MAGI1: variants seen among roughly 807,000 people sequenced by gnomAD.
MAGI1 encodes membrane associated guanylate kinase, WW and PDZ domain containing 1, also known as membrane-associated guanylate kinase, WW and PDZ domain-containing protein 1.
A neutral mutation model predicts 139.9 loss-of-function variants in MAGI1; 58 were observed. The ratio of observed to expected loss-of-function variants is 0.41; its 90% CI spans 0.34 to 0.52. The LOEUF (loss-of-function observed/expected upper bound fraction) is 0.52. Ranked by LOEUF, MAGI1 falls within the 20% of genes least tolerant of loss-of-function variation. MAGI1 has a pLI of 0.12. For synonymous variants in MAGI1, 812 were observed against 737.9 expected, an observed-to-expected ratio of 1.10 and a Z score of -1.63; for missense variants, 1,874 against 1,901.6, an observed-to-expected ratio of 0.99 and a Z score of 0.27.
chr3:65,478,503 A>G, intron 4 of MAGI1, 89 bp downstream of exon 4: 1 of 1,298,734 alleles, frequency 7.7e-7, no homozygotes, highest in Non-Finnish European at 1.1e-6. Context: ...ATCCCTCCTG[A>G]GAACAGCATC....
intron 1 of MAGI1, among the ~76,000 whole-genome samples, chr3:65,824,884 C>G (rs544389613): frequency 2.6e-4 from 39 of 152,252 alleles, no homozygotes; most frequent in Non-Finnish European, 5.1e-4. Flanking sequence ...GACACCAAAG[C>G]ATCTGTGGGA....
intron 1 of MAGI1, among the ~76,000 whole-genome samples, chr3:65,707,440 C>G (rs1049498416): frequency 6.6e-6 from 1 of 152,156 alleles, no homozygotes; most frequent in East Asian, 1.9e-4. Context: ...TATCCCAGCA[C>G]TTTGGGAGGC....
At chr3:65,371,886 CA>C in intron 18 of MAGI1, 1 of 445,410 alleles carries the variant, frequency 2.2e-6, no homozygotes, top group Non-Finnish European at 4.5e-6. Flanking sequence ...GCTCCACTTC[CA>C]ATTCTACTTC....
At chr3:65,999,066 A>T (rs1353119820) in intron 1 of MAGI1, among the ~76,000 whole-genome samples, 4 of 148,920 alleles carry the variant, frequency 2.7e-5, no homozygotes, top group South Asian at 2.1e-4. Flanking sequence ...TCCCTTTTTT[A>T]AAAAAAAAAT....
intron 8 of MAGI1, among the ~76,000 whole-genome samples, chr3:65,440,265 G>A (rs972248712): frequency 6.6e-6 from 1 of 152,124 alleles, no homozygotes; most frequent in Non-Finnish European, 1.5e-5. Context: ...ATGCCAGGAG[G>A]TAAGTCCTAT....
At chr3:65,857,286 T>C (rs995969939) in intron 1 of MAGI1, among the ~76,000 whole-genome samples, 4 of 152,220 alleles carry the variant, frequency 2.6e-5, no homozygotes, top group Non-Finnish European at 5.9e-5. Context: ...GTTCAGATTT[T>C]ATGAACCATC....
chr3:65,384,780 G>GGTGTGTGTGT (rs3072935), intron 14 of MAGI1, among the ~76,000 whole-genome samples: 1 of 147,822 alleles, frequency 6.8e-6, no homozygotes, highest in African/African-American at 2.5e-5. Context: ...TATAGGAAGG[G>GGTGTGTGTGT]GTGTGTGTGT....
At chr3:65,586,079 G>A (rs556176477) in intron 2 of MAGI1, among the ~76,000 whole-genome samples, 10 of 152,074 alleles carry the variant, frequency 6.6e-5, no homozygotes, top group African/African-American at 9.6e-5. Flanking sequence ...CGTTGGTGGC[G>A]CATGCCTGTA....
rs1238185193 is a variant in MAGI1 at position 65,391,128 on chromosome 3, A to G, written c.2416+14T>C. 1 of 1,612,402 alleles carries G rather than the reference A, an allele frequency of 6.2e-7. No homozygotes were observed. The highest frequency in any genetic ancestry group is 1.7e-5 in the Admixed American group (1 of 59,998). Reference sequence around the variant, plus strand: ...GAGGGGTCAGGGTAAGACAGAGGCCAGGATGCTACTCACGTCGGTTTTCAT... The same window carrying G: ...GAGGGGTCAGGGTAAGACAGAGGCCGGGATGCTACTCACGTCGGTTTTCAT... On this transcript the variant is annotated intron_variant, in intron 14 of 22. Transcript: ENST00000402939.
intron 6 of MAGI1, among the ~76,000 whole-genome samples, chr3:65,448,825 G>A (rs986525936): frequency 1.4e-4 from 21 of 151,858 alleles, no homozygotes; most frequent in African/African-American, 3.9e-4. Flanking sequence ...TCTTGACCTC[G>A]TCCTCTTGCT....
intron 1 of MAGI1, among the ~76,000 whole-genome samples, chr3:65,790,559 C>T (rs1357850429): frequency 3.9e-5 from 6 of 152,126 alleles, no homozygotes; most frequent in Non-Finnish European, 8.8e-5. Context: ...GACAAAAAGA[C>T]GGCCTATTTT....
chr3:65,382,619 A>C (rs1943144774), intron 15 of MAGI1, among the ~76,000 whole-genome samples: 1 of 152,152 alleles, frequency 6.6e-6, no homozygotes. Context: ...CCTTAGCTAA[A>C]ATATTTGTGC....
chr3:65,564,984 C>T (rs2108035164), intron 2 of MAGI1, among the ~76,000 whole-genome samples: 1 of 152,296 alleles, frequency 6.6e-6, no homozygotes, highest in South Asian at 2.1e-4. Flanking sequence ...AACAATCGAC[C>T]TTCAGTCAAG....
intron 18 of MAGI1, among the ~76,000 whole-genome samples, chr3:65,371,647 T>A (rs750186058): frequency 1.3e-5 from 2 of 152,176 alleles, no homozygotes; most frequent in African/African-American, 2.4e-5. Context: ...TTACCCTAAG[T>A]AGAACTTTTT....
chr3:65,979,090 C>CCCT (rs2065423377), intron 1 of MAGI1, among the ~76,000 whole-genome samples: 1 of 48,136 alleles, frequency 2.1e-5, no homozygotes, highest in Non-Finnish European at 4.5e-5. Flanking sequence ...TCTTTTCTTC[C>CCCT]CCCCCCCCGC....
At chr3:65,951,365 T>C (rs1451009305) in intron 1 of MAGI1, among the ~76,000 whole-genome samples, 2 of 152,240 alleles carry the variant, frequency 1.3e-5, no homozygotes, top group Non-Finnish European at 2.9e-5. Context: ...GGAAAACATT[T>C]CATTGTGTTT....
chr3:65,589,151 T>C (rs1253884640), intron 2 of MAGI1, among the ~76,000 whole-genome samples: 2 of 152,142 alleles, frequency 1.3e-5, no homozygotes, highest in African/African-American at 4.8e-5. Flanking sequence ...GACAGGAAAC[T>C]TGAATAGTTG....
At chr3:65,548,141 A>G (rs2079591047) in intron 2 of MAGI1, among the ~76,000 whole-genome samples, 1 of 152,234 alleles carries the variant, frequency 6.6e-6, no homozygotes, top group South Asian at 2.1e-4. Context: ...CTCTGGAGGA[A>G]GAAGCTCTGC....
At chr3:65,615,347 G>C (rs918733098) in intron 2 of MAGI1, among the ~76,000 whole-genome samples, 4 of 152,192 alleles carry the variant, frequency 2.6e-5, no homozygotes, top group African/African-American at 7.2e-5. Flanking sequence ...GGGATGGACA[G>C]TGAATGCACG....
Sources: gnomAD v4.1 joint callset for allele counts (sites outside exome capture counted in the v4.1 genomes callset) on GRCh38, gnomAD v4.1.1 for gene constraint, MANE v1.5 for transcripts, NCBI Gene and HGNC (gene_info 2026-07-23, HGNC 2026-07-21) for gene names.